TMEM17: variants seen among roughly 807,000 people sequenced by gnomAD.
TMEM17 encodes transmembrane protein 17.
A neutral mutation model predicts 19.1 loss-of-function variants in TMEM17; 15 were observed. The ratio of observed to expected loss-of-function variants is 0.78; its 90% CI spans 0.52 to 1.21. The LOEUF is 1.21. Ranked by LOEUF, TMEM17 falls within the 50% of genes most tolerant of loss-of-function variation. TMEM17 has a pLI of 0.00. For missense variants in TMEM17, 245 were observed against 242.3 expected, an observed-to-expected ratio of 1.01 and a Z score of -0.07; for synonymous variants, 103 against 86.9, an observed-to-expected ratio of 1.19 and a Z score of -1.03.
the TMEM17 span, among the ~76,000 whole-genome samples, chr2:62,486,050 G>T: frequency 6.6e-6 from 1 of 152,170 alleles, no homozygotes; most frequent in South Asian, 2.1e-4. Context: ...TCAATGTCCT[G>T]AAATGTGCCC....
chr2:62,458,840 T>C, the TMEM17 span, among the ~76,000 whole-genome samples: 1 of 152,318 alleles, frequency 6.6e-6, no homozygotes, highest in Non-Finnish European at 1.5e-5. Context: ...TGGATGTGTT[T>C]GTCCTCTCTA....
At chr2:62,486,380 T>C in the TMEM17 span, among the ~76,000 whole-genome samples, 5 of 152,200 alleles carry the variant, frequency 3.3e-5, no homozygotes, top group South Asian at 2.1e-4. Context: ...AGAATGTTAA[T>C]GCACAGCCAG....
chr2:62,488,791 A>C, the TMEM17 span, among the ~76,000 whole-genome samples: 9 of 82,428 alleles, frequency 1.1e-4, no homozygotes, highest in African/African-American at 4.4e-4. Flanking sequence ...GTTTTATTCT[A>C]CTTTTTTTTT....
chr2:62,470,634 G>A, the TMEM17 span, among the ~76,000 whole-genome samples: 1 of 152,210 alleles, frequency 6.6e-6, no homozygotes, highest in Admixed American at 6.5e-5. Context: ...CCCACCACTG[G>A]GGGTGGGGTC....
Position 62,506,078 on chromosome 2 carries a change from C to T in TMEM17, c.52G>A (p.Val18Met), listed in dbSNP as rs1680066497. Residue 18 changes from valine (V) to methionine (M), a missense_variant, in exon 1 of 4, where the codon GTG becomes ATG. Val to Met is a conservative substitution (Grantham distance 21). Coordinates refer to ENST00000335390, the MANE Select transcript of TMEM17 (RefSeq NM_198276.3). Reference sequence around the variant, plus strand: ...CCGGTCCGATTGGAATCACTGAACACGGCCCGGCTGAAGTTTCCCAGCCGC... The same window carrying T: ...CCGGTCCGATTGGAATCACTGAACATGGCCCGGCTGAAGTTTCCCAGCCGC... The part of the protein sequence containing the change: ...RQRLGNFSRA[V>M]FSDSNRTGPE... The T allele has an allele frequency of 6.8e-6, 11 of 1,610,472 alleles. No individual in the cohort carries two copies. Among genetic ancestry groups the T allele is most frequent in the Admixed American group, 1.7e-5 (1 of 59,748 alleles).
downstream of TMEM17, among the ~76,000 whole-genome samples, chr2:62,498,711 G>A (rs1389280787): frequency 5.7e-5 from 8 of 141,196 alleles, no homozygotes; most frequent in African/African-American, 1.9e-4. Flanking sequence ...GCGAGACTCC[G>A]TCTCAAAAAT....
At chr2:62,455,582 C>T in the TMEM17 span, among the ~76,000 whole-genome samples, 3 of 152,318 alleles carry the variant, frequency 2.0e-5, no homozygotes, top group East Asian at 5.8e-4. Flanking sequence ...GCCTGGCCAA[C>T]ATTGTGAAAA....
At chr2:62,466,956 G>A in the TMEM17 span, among the ~76,000 whole-genome samples, 4 of 152,086 alleles carry the variant, frequency 2.6e-5, no homozygotes, top group South Asian at 2.1e-4. Context: ...CCATGGCCCC[G>A]AGCCCTTAGA....
chr2:62,481,530 GC>G, the TMEM17 span, among the ~76,000 whole-genome samples: 1 of 152,122 alleles, frequency 6.6e-6, no homozygotes, highest in Admixed American at 6.5e-5. Context: ...AAAAAAACTT[GC>G]CGCTATTCCT....
the TMEM17 span, among the ~76,000 whole-genome samples, chr2:62,483,201 T>C: frequency 6.6e-6 from 1 of 152,180 alleles, no homozygotes; most frequent in Non-Finnish European, 1.5e-5. Flanking sequence ...GCTAATTTAG[T>C]CAACACATCT....
the TMEM17 span, among the ~76,000 whole-genome samples, chr2:62,482,677 G>A: frequency 2.6e-5 from 4 of 152,134 alleles, no homozygotes; most frequent in South Asian, 8.3e-4. Context: ...TGTGATCCTT[G>A]TCTCCTGAAA....
At chr2:62,459,340 T>C in the TMEM17 span, among the ~76,000 whole-genome samples, 4 of 152,358 alleles carry the variant, frequency 2.6e-5, no homozygotes, top group African/African-American at 9.6e-5. Context: ...TCCACATCAC[T>C]TGTTTCTTCG....
the TMEM17 span, among the ~76,000 whole-genome samples, chr2:62,486,574 C>A: frequency 6.6e-6 from 1 of 152,102 alleles, no homozygotes; most frequent in Non-Finnish European, 1.5e-5. Context: ...GCATTTGGCC[C>A]TAGGGGATTT....
chr2:62,505,843 G>A (rs984451936), intron 1 of TMEM17, among the ~76,000 whole-genome samples, 187 bp downstream of exon 1: 20 of 152,216 alleles, frequency 1.3e-4, no homozygotes, highest in African/African-American at 4.6e-4. Context: ...CCGGCCGGGG[G>A]CGGGAGGCCG....
At chr2:62,468,313 T>A in the TMEM17 span, among the ~76,000 whole-genome samples, 1 of 152,044 alleles carries the variant, frequency 6.6e-6, no homozygotes, top group African/African-American at 2.4e-5. Flanking sequence ...GGGCAGGGTA[T>A]GCCAGCACAT....
chr2:62,496,351 T>C (rs1679777437), downstream of TMEM17, among the ~76,000 whole-genome samples: 1 of 152,208 alleles, frequency 6.6e-6, no homozygotes, highest in African/African-American at 2.4e-5. Context: ...GAAAAAGCTA[T>C]ATGCATGAGA....
Position 62,501,172 on chromosome 2 carries a change from A to G in TMEM17, c.*37T>C, listed in dbSNP as rs768711052. ...TATTTTCCTAACTCTTACAGTCTCTAGAATGATCTGTCAGATTTTCACTCA... is the reference window on the plus strand; with the variant it reads ...TATTTTCCTAACTCTTACAGTCTCTGGAATGATCTGTCAGATTTTCACTCA... On this transcript the variant is annotated 3_prime_UTR_variant, in exon 4 of 4. Transcript: ENST00000335390. 1.0e-5 allele frequency: 16 copies of G among 1,597,846 alleles called. No individual in the cohort carries two copies. The highest frequency in any genetic ancestry group is 1.4e-5 in the Non-Finnish European group (16 of 1,170,112).
the TMEM17 span, among the ~76,000 whole-genome samples, chr2:62,471,288 G>A: frequency 6.6e-6 from 1 of 152,140 alleles, no homozygotes; most frequent in South Asian, 2.1e-4. Context: ...AGTACATAAA[G>A]GCCACTAGCT....
the TMEM17 span, among the ~76,000 whole-genome samples, chr2:62,456,909 G>A: frequency 1.3e-5 from 2 of 152,366 alleles, no homozygotes; most frequent in South Asian, 2.1e-4. Context: ...GGCGGGGACA[G>A]GACCAGAACT....
Sources: gnomAD v4.1 joint callset for allele counts (sites outside exome capture counted in the v4.1 genomes callset) on GRCh38, gnomAD v4.1.1 for gene constraint, MANE v1.5 for transcripts, NCBI Gene and HGNC (gene_info 2026-07-23, HGNC 2026-07-21) for gene names.